Variants in SCTR observed in about 807,000 individuals in gnomAD.
SCTR encodes pancreatic secretin receptor.
A neutral mutation model predicts 60.8 loss-of-function variants in SCTR; 56 were observed. That is an observed-to-expected ratio of 0.92 (90% confidence interval 0.74 to 1.15). The LOEUF (loss-of-function observed/expected upper bound fraction) is 1.15, where lower values mean the gene tolerates loss of function less well. Ranked by LOEUF, SCTR falls within the 50% of genes most tolerant of loss-of-function variation. SCTR has a pLI of 0.00. For missense variants in SCTR, 562 were observed against 550.4 expected, an observed-to-expected ratio of 1.02 and a Z score of -0.21; for synonymous variants, 202 against 217.0, an observed-to-expected ratio of 0.93 and a Z score of 0.61.
chr2:119,482,681 G>A (rs146138533), intron 2 of SCTR, among the ~76,000 whole-genome samples: 1,944 of 152,314 alleles, frequency 0.013, 17 homozygotes, highest in Admixed American at 0.021. Flanking sequence ...AGCTGTGGAC[G>A]CTGCTGGCTG....
chr2:119,499,789 A>C (rs965643996), intron 1 of SCTR, among the ~76,000 whole-genome samples: 6 of 152,190 alleles, frequency 3.9e-5, no homozygotes, highest in Admixed American at 3.3e-4. Context: ...CAACTTGATA[A>C]AGAGCATCCA....
intron 9 of SCTR, among the ~76,000 whole-genome samples, chr2:119,449,150 C>T (rs1289254686): frequency 6.6e-6 from 1 of 152,206 alleles, no homozygotes; most frequent in Non-Finnish European, 1.5e-5. Context: ...TAATACAATG[C>T]CAAAGCTGAA....
At chr2:119,443,616 G>A (rs1378802565) in intron 11 of SCTR, among the ~76,000 whole-genome samples, 1 of 151,950 alleles carries the variant, frequency 6.6e-6, no homozygotes, top group East Asian at 1.9e-4. Context: ...GCGCGATCTC[G>A]GCTCACTGCA....
chr2:119,478,782 C>A, intron 3 of SCTR, 29 bp downstream of exon 3: 1 of 1,611,362 alleles, frequency 6.2e-7, no homozygotes, highest in South Asian at 1.1e-5. Flanking sequence ...CTCAGCCTGT[C>A]CGCCAGGCCC....
chr2:119,442,165 T>G (rs533638768), intron 11 of SCTR, among the ~76,000 whole-genome samples: 223 of 152,282 alleles, frequency 1.5e-3, no homozygotes, highest in Non-Finnish European at 2.4e-3. Context: ...GCTCAGAGTT[T>G]TATGTTCCCT....
Position 119,524,337 on chromosome 2 carries a change from C to A in SCTR, c.-111G>T, listed in dbSNP as rs1026171877. On this transcript the variant is annotated 5_prime_UTR_variant, in exon 1 of 13. Transcript: ENST00000019103. ...TCCCGGGCTCCGGCCGGCCGCTGCGCCCCGAGGAGCCATGGCTGAGCCACC... is the reference window on the plus strand; with the variant it reads ...TCCCGGGCTCCGGCCGGCCGCTGCGACCCGAGGAGCCATGGCTGAGCCACC... The A allele has an allele frequency of 3.0e-6, 2 of 664,866 alleles. No homozygotes were observed. Among genetic ancestry groups the A allele is most frequent in the African/African-American group, 3.8e-5 (2 of 52,352 alleles). The allele number at this position is 664,866 out of a possible 1,614,324, so 41.2% of individuals were successfully genotyped here. A position where few individuals can be genotyped will look rare whatever the true frequency, so the allele number is the denominator to read the frequency against.
intron 4 of SCTR, among the ~76,000 whole-genome samples, chr2:119,469,247 G>C (rs1195884932): frequency 6.6e-6 from 1 of 152,158 alleles, no homozygotes; most frequent in Non-Finnish European, 1.5e-5. Context: ...TGCAGAGGGT[G>C]TCAGCCTCAC....
intron 2 of SCTR, among the ~76,000 whole-genome samples, chr2:119,482,071 T>A (rs1677635639): frequency 6.6e-6 from 1 of 152,086 alleles, no homozygotes; most frequent in South Asian, 2.1e-4. Flanking sequence ...AGCCAGGACA[T>A]GGAGGGGATG....
chr2:119,494,686 T>A, intron 1 of SCTR, 138 bp from the exon 2 acceptor site: 1 of 872,940 alleles, frequency 1.1e-6, no homozygotes, highest in Non-Finnish European at 1.7e-6. Flanking sequence ...TCTCCTGGTC[T>A]GCAGGAAAGG....
chr2:119,456,887 G>C (rs1351514982), intron 7 of SCTR, among the ~76,000 whole-genome samples: 2 of 152,144 alleles, frequency 1.3e-5, no homozygotes, highest in Non-Finnish European at 2.9e-5. Context: ...GAATGGGGCT[G>C]ATGCAACTAC....
At chr2:119,450,127 A>G (rs989981678) in intron 9 of SCTR, among the ~76,000 whole-genome samples, 21 of 149,500 alleles carry the variant, frequency 1.4e-4, no homozygotes, top group Non-Finnish European at 2.8e-4. Flanking sequence ...AAGGAAGGAA[A>G]GGAAGGAAGG....
intron 2 of SCTR, chr2:119,480,670 A>G (rs1207444166): frequency 1.3e-5 from 2 of 152,136 alleles, no homozygotes; most frequent in Non-Finnish European, 1.5e-5. Flanking sequence ...TTAAGACATC[A>G]TTTCACATAA....
chr2:119,473,588 A>G (rs1573853338), intron 3 of SCTR, 32 bp from the exon 4 acceptor site: 1 of 1,375,874 alleles, frequency 7.3e-7, no homozygotes. Flanking sequence ...TAGGTGAGCC[A>G]TGGGCCCAGG....
intron 4 of SCTR, among the ~76,000 whole-genome samples, chr2:119,470,131 T>C (rs1366430933): frequency 6.6e-6 from 1 of 152,170 alleles, no homozygotes; most frequent in Non-Finnish European, 1.5e-5. Context: ...CCTCATTGGG[T>C]CCAAGAGCTA....
At chr2:119,508,491 A>T (rs1285324444) in intron 1 of SCTR, among the ~76,000 whole-genome samples, 1 of 140,328 alleles carries the variant, frequency 7.1e-6, no homozygotes. Context: ...GGCTCAAGCC[A>T]TCCTCCCATC....
At chr2:119,483,463 C>A (rs1677724165) in intron 2 of SCTR, among the ~76,000 whole-genome samples, 1 of 152,196 alleles carries the variant, frequency 6.6e-6, no homozygotes, top group Non-Finnish European at 1.5e-5. Flanking sequence ...TGCTAGCCCC[C>A]CACAGTGTTG....
At chr2:119,460,030 C>T (rs764924196) in intron 7 of SCTR, among the ~76,000 whole-genome samples, 20 of 151,832 alleles carry the variant, frequency 1.3e-4, no homozygotes, top group Admixed American at 8.5e-4. Flanking sequence ...TGCAACCTCC[C>T]GATGGCCCGG....
chr2:119,515,819 G>A (rs1003511438), intron 1 of SCTR, among the ~76,000 whole-genome samples: 1 of 152,338 alleles, frequency 6.6e-6, no homozygotes, highest in African/African-American at 2.4e-5. Context: ...GCCCAGCACT[G>A]CATGCCTCTA....
At chr2:119,523,692 G>T (rs953308532) in intron 1 of SCTR, among the ~76,000 whole-genome samples, 2 of 152,144 alleles carry the variant, frequency 1.3e-5, no homozygotes, top group African/African-American at 4.8e-5. Flanking sequence ...CTCTTTTTCT[G>T]ACTTGCAGCA....
Sources: gnomAD v4.1 joint callset for allele counts (sites outside exome capture counted in the v4.1 genomes callset) on GRCh38, gnomAD v4.1.1 for gene constraint, MANE v1.5 for transcripts, NCBI Gene and HGNC (gene_info 2026-07-23, HGNC 2026-07-21) for gene names.